DISC1: variants seen among roughly 807,000 people sequenced by gnomAD.
The protein encoded by DISC1 is DISC1 scaffold protein, also known as disrupted in schizophrenia 1 protein.
A neutral mutation model predicts 84.5 loss-of-function variants in DISC1; 57 were observed. That is an observed-to-expected ratio of 0.67 (90% confidence interval 0.55 to 0.84). The LOEUF (loss-of-function observed/expected upper bound fraction) is 0.84, where lower values mean the gene tolerates loss of function less well. Ranked by LOEUF, DISC1 falls within the 40% of genes least tolerant of loss-of-function variation. DISC1 has a pLI of 0.00. For missense variants in DISC1, 1,000 were observed against 1,057.8 expected (o/e 0.95, Z 0.76); for synonymous variants, 411 against 415.2 (o/e 0.99, Z 0.12).
intron 1 of DISC1, among the ~76,000 whole-genome samples, chr1:231,678,792 A>C (rs1201384417): frequency 6.6e-6 from 1 of 152,130 alleles, no homozygotes; most frequent in African/African-American, 2.4e-5. Context: ...CAGCCTCCCA[A>C]GTAGCTGGGA....
chr1:231,978,251 C>G (rs1663095532), intron 10 of DISC1, among the ~76,000 whole-genome samples: 1 of 152,154 alleles, frequency 6.6e-6, no homozygotes, highest in South Asian at 2.1e-4. Flanking sequence ...AGGTTGGTTG[C>G]TGAGTTGAGG....
chr1:231,722,121 C>G (rs2069844849), intron 3 of DISC1, among the ~76,000 whole-genome samples: 1 of 147,904 alleles, frequency 6.8e-6, no homozygotes, highest in African/African-American at 2.5e-5. Flanking sequence ...CCACTGCACT[C>G]CAGCCTGGCG....
At chr1:231,756,354 A>G (rs2075111662) in intron 4 of DISC1, among the ~76,000 whole-genome samples, 2 of 152,218 alleles carry the variant, frequency 1.3e-5, no homozygotes, top group Admixed American at 1.3e-4. Flanking sequence ...CTGACAGATG[A>G]TAAGCTCCTT....
chr1:231,854,637 A>G (rs2084129289), intron 9 of DISC1: 1 of 152,110 alleles, frequency 6.6e-6, no homozygotes, highest in African/African-American at 2.4e-5. Flanking sequence ...CTTCAAAGTT[A>G]TGTCTCTCCT....
intron 1 of DISC1, among the ~76,000 whole-genome samples, chr1:231,668,580 T>A (rs1005246472): frequency 6.6e-6 from 1 of 152,182 alleles, no homozygotes; most frequent in African/African-American, 2.4e-5. Context: ...AATTTGCTGC[T>A]AGTGCATCTT....
chr1:231,988,880 A>G (rs1572511431), intron 10 of DISC1, among the ~76,000 whole-genome samples: 2 of 152,222 alleles, frequency 1.3e-5, no homozygotes, highest in East Asian at 3.9e-4. Flanking sequence ...AGCAGAGAGC[A>G]TGCCTGAGGG....
At chr1:231,724,120 C>CAATGG (rs1337076796) in intron 3 of DISC1, 32 of 759,192 alleles carry the variant, frequency 4.2e-5, no homozygotes, top group Non-Finnish European at 5.0e-5. Context: ...GTATTTTGAA[C>CAATGG]AATGGCCTTG....
chr1:231,705,462 A>C (rs927343499), intron 3 of DISC1, among the ~76,000 whole-genome samples: 1 of 151,960 alleles, frequency 6.6e-6, no homozygotes, highest in Non-Finnish European at 1.5e-5. Context: ...GGTTTGATGC[A>C]ACAGACGGGG....
Position 231,793,616 on chromosome 1 carries a change from G to T in DISC1, c.1635-1626G>T, listed in dbSNP as rs1267108644. Among the ~76,000 whole-genome samples, 3 of 152,108 alleles carry T rather than the reference G, an allele frequency of 2.0e-5. No homozygotes were observed. The East Asian group carries it at 5.8e-4, about 29-fold the overall frequency. On this transcript the variant is annotated intron_variant, in intron 6 of 12. Transcript: ENST00000439617. ...CTGCTGAAGAGGCCTGTCTGGTTTT[G>T]TCACATTCAGACTTTCTTCCTCCAA... is the stretch of plus-strand genomic sequence containing the variant.
At chr1:231,634,026 G>A (rs2125111491) in intron 1 of DISC1, among the ~76,000 whole-genome samples, 1 of 152,096 alleles carries the variant, frequency 6.6e-6, no homozygotes, top group South Asian at 2.1e-4. Context: ...TGGGATTACA[G>A]GCATGCCCCA....
intron 11 of DISC1, among the ~76,000 whole-genome samples, chr1:232,017,570 A>G (rs540494800): frequency 6.8e-6 from 1 of 147,126 alleles, no homozygotes; most frequent in South Asian, 2.2e-4. Context: ...ACTTTTGTGG[A>G]TAGGTATTGC....
rs1367695070 is a variant in DISC1, at chr1:231,722,883, G to A, written c.1117+20859G>A. Reference sequence around the variant, plus strand: ...TCCCCTGTCATGGCATGAAAAAACCGCTATTGTTCTGTGTTGGGACAATTA... The same window carrying A: ...TCCCCTGTCATGGCATGAAAAAACCACTATTGTTCTGTGTTGGGACAATTA... On this transcript the variant is annotated intron_variant, in intron 3 of 12. Transcript: ENST00000439617. The A allele has an allele frequency of 1.0e-5, 14 of 1,369,400 alleles. No individual in the cohort carries two copies. In the Admixed American group the frequency reaches 1.2e-4, roughly 12 times the overall value. The allele number at this position is 1,369,400 out of a possible 1,614,324, so 84.8% of individuals were successfully genotyped here.
chr1:231,645,190 CAGAG>C (rs1307800403), intron 1 of DISC1, among the ~76,000 whole-genome samples: 2 of 152,148 alleles, frequency 1.3e-5, no homozygotes, highest in African/African-American at 4.8e-5. Flanking sequence ...ATCCTAATAA[CAGAG>C]AGATCTGTGT....
intron 9 of DISC1, among the ~76,000 whole-genome samples, chr1:231,864,723 A>G (rs1362176354): frequency 6.6e-6 from 1 of 152,168 alleles, no homozygotes; most frequent in Non-Finnish European, 1.5e-5. Flanking sequence ...ATTTTTTGGT[A>G]CTGAACGACG....
At chr1:231,812,851 T>A (rs1243989926) in intron 8 of DISC1, among the ~76,000 whole-genome samples, 2 of 152,212 alleles carry the variant, frequency 1.3e-5, no homozygotes, top group Admixed American at 6.5e-5. Flanking sequence ...AAGGTCTTGG[T>A]CTAAGCCTCA....
intron 9 of DISC1, 107 bp from the exon 10 acceptor site, chr1:231,958,721 A>T: frequency 1.8e-6 from 2 of 1,088,754 alleles, no homozygotes; most frequent in Non-Finnish European, 2.8e-6. Context: ...TGTTACGATT[A>T]CTAGTGGCTT....
intron 10 of DISC1, among the ~76,000 whole-genome samples, chr1:231,967,039 G>A (rs1375107074): frequency 6.6e-6 from 1 of 152,196 alleles, no homozygotes; most frequent in Non-Finnish European, 1.5e-5. Flanking sequence ...AGAGATTGAT[G>A]TATTTTTACA....
intron 10 of DISC1, among the ~76,000 whole-genome samples, chr1:232,007,333 G>A (rs1007863921): frequency 4.6e-5 from 7 of 152,152 alleles, no homozygotes; most frequent in Non-Finnish European, 7.3e-5. Context: ...GTGCTAGCCC[G>A]TGAAAGCAGC....
chr1:231,766,535 C>T (rs2076191514), intron 4 of DISC1, among the ~76,000 whole-genome samples: 1 of 152,094 alleles, frequency 6.6e-6, no homozygotes, highest in African/African-American at 2.4e-5. Flanking sequence ...ACTAGTGACT[C>T]AAACAGTAGT....
Sources: gnomAD v4.1 joint callset for allele counts (sites outside exome capture counted in the v4.1 genomes callset) on GRCh38, gnomAD v4.1.1 for gene constraint, MANE v1.5 for transcripts, NCBI Gene and HGNC (gene_info 2026-07-23, HGNC 2026-07-21) for gene names.